The following CACNB2 variants were observed in gnomAD, a reference collection of about 807,000 sequenced individuals.
CACNB2 encodes the protein voltage-dependent L-type calcium channel subunit beta-2.
CACNB2 carries 42 observed loss-of-function variants against 73.3 expected under a neutral mutation model. That is an observed-to-expected ratio of 0.57 (90% confidence interval 0.45 to 0.74). The LOEUF (loss-of-function observed/expected upper bound fraction) is 0.74, where lower values mean the gene tolerates loss of function less well. Among genes scored for constraint, CACNB2 ranks in the 30% least tolerant of loss-of-function variants. The probability of loss-of-function intolerance (pLI) is 0.00; values close to 1 mark genes in which losing one functional copy is unlikely to be tolerated. For missense variants in CACNB2, 940 were observed against 853.0 expected (o/e 1.10, Z -1.27); for synonymous variants, 348 against 310.3 (o/e 1.12, Z -1.28).
chr10:18,479,848 C>G (rs933430899), intron 3 of CACNB2, among the ~76,000 whole-genome samples: 1 of 152,192 alleles, frequency 6.6e-6, no homozygotes, highest in Non-Finnish European at 1.5e-5. Context: ...ATTGCCCAGT[C>G]TCAGGTAGTT....
chr10:18,513,469 C>G, intron 6 of CACNB2: 1 of 267,336 alleles, frequency 3.7e-6, no homozygotes, highest in South Asian at 4.5e-5. Flanking sequence ...AGCCACTATG[C>G]TCCTCATCTT....
At chr10:18,209,283 A>C (rs34640527) in intron 2 of CACNB2, among the ~76,000 whole-genome samples, 9,293 of 152,184 alleles carry the variant, frequency 0.061, 289 homozygotes, top group East Asian at 0.098. Flanking sequence ...CACTGAGTTT[A>C]TTATTTTTAT....
intron 3 of CACNB2, among the ~76,000 whole-genome samples, chr10:18,486,343 T>C (rs1296450901): frequency 2.0e-5 from 3 of 152,258 alleles, no homozygotes; most frequent in Admixed American, 2.0e-4. Flanking sequence ...CATGAAATTA[T>C]AATGTGTTTA....
intron 3 of CACNB2, among the ~76,000 whole-genome samples, chr10:18,448,497 A>AG (rs1554821521): frequency 7.1e-4 from 100 of 141,552 alleles, no homozygotes; most frequent in Admixed American, 1.0e-3. Flanking sequence ...AAAAAAAAAA[A>AG]AAAAGAAAAG....
At chr10:18,423,385 A>G (rs1183115471) in intron 3 of CACNB2, among the ~76,000 whole-genome samples, 1 of 152,108 alleles carries the variant, frequency 6.6e-6, no homozygotes, top group Non-Finnish European at 1.5e-5. Flanking sequence ...GGGCCGGAGG[A>G]AGATATAGTA....
intron 3 of CACNB2, among the ~76,000 whole-genome samples, chr10:18,416,145 C>T (rs976785): frequency 0.28 from 42,735 of 151,962 alleles, 6,494 homozygotes; most frequent in Middle Eastern, 0.43. Flanking sequence ...TCTTCCTCCT[C>T]CCTGCACCCC....
chr10:18,305,025 T>C (rs1479669353), intron 2 of CACNB2, among the ~76,000 whole-genome samples: 1 of 152,252 alleles, frequency 6.6e-6, no homozygotes, highest in East Asian at 1.9e-4. Context: ...TTGTGTCTTA[T>C]ACAAGGAAGT....
intron 2 of CACNB2, among the ~76,000 whole-genome samples, chr10:18,333,301 T>A (rs2040875071): frequency 6.6e-6 from 1 of 152,196 alleles, no homozygotes; most frequent in Non-Finnish European, 1.5e-5. Flanking sequence ...GCGGGATTGA[T>A]CATGGCTTCT....
chr10:18,373,345 T>G (rs2132307934), intron 2 of CACNB2, among the ~76,000 whole-genome samples: 1 of 152,320 alleles, frequency 6.6e-6, no homozygotes, highest in Non-Finnish European at 1.5e-5. Flanking sequence ...TGCTATATTT[T>G]GGTCTCCCAA....
intron 2 of CACNB2, among the ~76,000 whole-genome samples, chr10:18,237,175 G>A (rs1208120861): frequency 1.3e-5 from 2 of 152,186 alleles, no homozygotes; most frequent in African/African-American, 2.4e-5. Flanking sequence ...ATAGAAAAAG[G>A]TGGTGTTCTG....
intron 9 of CACNB2, among the ~76,000 whole-genome samples, 170 bp downstream of exon 9, chr10:18,519,138 T>C (rs2051579523): frequency 6.6e-6 from 1 of 152,210 alleles, no homozygotes; most frequent in African/African-American, 2.4e-5. Flanking sequence ...TCATATTTGC[T>C]TGGTACATCT....
At chr10:18,203,280 G>A (rs1402464971) in intron 2 of CACNB2, among the ~76,000 whole-genome samples, 2 of 152,150 alleles carry the variant, frequency 1.3e-5, no homozygotes, top group African/African-American at 4.8e-5. Context: ...GCCAAGCTGT[G>A]GTTGCAGCAT....
chr10:18,162,778 T>C (rs905464199), intron 2 of CACNB2, among the ~76,000 whole-genome samples: 1 of 152,138 alleles, frequency 6.6e-6, no homozygotes, highest in Non-Finnish European at 1.5e-5. Flanking sequence ...GGAGGAAGTA[T>C]GTGTTCATAG....
In CACNB2 at chr10:18,503,454, G is replaced by T. The variant is rs576044604; in HGVS notation, c.593+2506G>T. Among the ~76,000 whole-genome samples, 5 of 152,232 alleles carry T rather than the reference G, an allele frequency of 3.3e-5. No homozygotes were observed. In the South Asian group the frequency reaches 1.0e-3, roughly 32 times the overall value. ...TCTACCAAAAGTATGAAACTAGCTGGGTGTGGTGGTGCACACCTGTAACCC... is the reference window on the plus strand; with the variant it reads ...TCTACCAAAAGTATGAAACTAGCTGTGTGTGGTGGTGCACACCTGTAACCC... On this transcript the variant is annotated intron_variant, in intron 5 of 13. Coordinates refer to ENST00000324631, the MANE Select transcript of CACNB2 (RefSeq NM_201596.3).
chr10:18,281,578 G>A lies in CACNB2; in HGVS notation c.214-120346G>A, dbSNP rs148667793. On this transcript the variant is annotated intron_variant, in intron 2 of 13. Transcript: ENST00000324631. Reference sequence around the variant, plus strand: ...TCCCTTCCGTTCTTTCCACTAAATGGTGGGGTACTGTTTGCTGTTGTGTGT... The same window carrying A: ...TCCCTTCCGTTCTTTCCACTAAATGATGGGGTACTGTTTGCTGTTGTGTGT... Among the ~76,000 whole-genome samples, 528 of 152,270 alleles carry A rather than the reference G, an allele frequency of 3.5e-3. 1 individual carries two copies. The highest frequency in any genetic ancestry group is 5.2e-3 in the Non-Finnish European group (357 of 68,032).
intron 2 of CACNB2, among the ~76,000 whole-genome samples, chr10:18,306,571 A>T (rs537794361): frequency 2.6e-5 from 4 of 152,346 alleles, no homozygotes; most frequent in African/African-American, 9.6e-5. Flanking sequence ...TAAAATAATC[A>T]TAAGCATTAC....
intron 2 of CACNB2, among the ~76,000 whole-genome samples, chr10:18,299,076 A>T (rs530821590): frequency 2.1e-3 from 198 of 94,416 alleles, no homozygotes; most frequent in African/African-American, 7.4e-3. Context: ...CTAAAAAAAA[A>T]AAAATAAAAA....
intron 2 of CACNB2, among the ~76,000 whole-genome samples, chr10:18,246,871 C>G (rs1381456903): frequency 6.6e-6 from 1 of 152,166 alleles, no homozygotes; most frequent in East Asian, 1.9e-4. Flanking sequence ...TTTGACCTCA[C>G]TGAGTGCTGG....
chr10:18,230,857 G>A (rs2036199115), intron 2 of CACNB2, among the ~76,000 whole-genome samples: 1 of 138,422 alleles, frequency 7.2e-6, no homozygotes, highest in South Asian at 2.2e-4. Flanking sequence ...TTTTTTTTTG[G>A]TAGCTTCTAG....
Sources: allele counts gnomAD v4.1 joint callset (sites outside exome capture counted in the v4.1 genomes callset), GRCh38; gene constraint gnomAD v4.1.1; transcripts MANE v1.5; gene names NCBI Gene and HGNC (gene_info 2026-07-23, HGNC 2026-07-21).